VPS13B: variants seen among roughly 807,000 people sequenced by gnomAD.
The protein encoded by VPS13B is vacuolar protein sorting 13 homolog B, also known as intermembrane lipid transfer protein VPS13B.
VPS13B carries 285 observed loss-of-function variants against 426.4 expected under a neutral mutation model. The observed-to-expected ratio is 0.67, with a 90% CI of 0.61 to 0.74. VPS13B has a LOEUF of 0.74. Among genes scored for constraint, VPS13B ranks in the 30% least tolerant of loss-of-function variants. The pLI, the probability that VPS13B is intolerant of heterozygous loss-of-function variation, is 0.00. For synonymous variants in VPS13B, 1,676 were observed against 1,676.4 expected, an observed-to-expected ratio of 1.00 and a Z score of 0.01; for missense variants, 4,537 against 4,782.6, an observed-to-expected ratio of 0.95 and a Z score of 1.51.
At chr8:99,581,217 G>A (rs899472831) in intron 33 of VPS13B, among the ~76,000 whole-genome samples, 5 of 151,890 alleles carry the variant, frequency 3.3e-5, no homozygotes, top group Admixed American at 3.3e-4. Context: ...GGGGGATTAT[G>A]TATTAGTGGA....
chr8:99,698,457 C>G (rs965874686), intron 35 of VPS13B, among the ~76,000 whole-genome samples: 2 of 152,210 alleles, frequency 1.3e-5, no homozygotes, highest in Non-Finnish European at 1.5e-5. Context: ...CTGAAGATGC[C>G]TCTGTTCATC....
chr8:99,553,841 A>C (rs1738307213), intron 30 of VPS13B, among the ~76,000 whole-genome samples: 1 of 152,090 alleles, frequency 6.6e-6, no homozygotes, highest in Admixed American at 6.6e-5. Flanking sequence ...GTTTAATTTT[A>C]AAAGCAAGCA....
intron 51 of VPS13B, among the ~76,000 whole-genome samples, chr8:99,827,225 T>C (rs750494732): frequency 2.6e-5 from 4 of 152,232 alleles, no homozygotes; most frequent in Non-Finnish European, 4.4e-5. Context: ...GGTAGGCTAT[T>C]AATTACTGTC....
intron 44 of VPS13B, among the ~76,000 whole-genome samples, chr8:99,814,830 T>C (rs1444936175): frequency 6.6e-6 from 1 of 152,124 alleles, no homozygotes; most frequent in Non-Finnish European, 1.5e-5. Context: ...TCTGACACAT[T>C]TATGTTATAA....
At chr8:99,561,303 A>G (rs933615297) in intron 31 of VPS13B, among the ~76,000 whole-genome samples, 3 of 152,206 alleles carry the variant, frequency 2.0e-5, no homozygotes, top group Non-Finnish European at 4.4e-5. Flanking sequence ...AAATAGAATC[A>G]TATGATATGT....
intron 35 of VPS13B, among the ~76,000 whole-genome samples, chr8:99,664,476 C>A (rs1588602341): frequency 6.6e-6 from 1 of 151,906 alleles, no homozygotes; most frequent in Non-Finnish European, 1.5e-5. Flanking sequence ...CTGACCCCCA[C>A]CCCACAACAG....
intron 31 of VPS13B, among the ~76,000 whole-genome samples, chr8:99,568,838 G>T (rs1297165045): frequency 6.7e-6 from 1 of 149,310 alleles, no homozygotes; most frequent in Non-Finnish European, 1.5e-5. Context: ...TTGAGATGGA[G>T]TCTTGCTCTA....
intron 21 of VPS13B, among the ~76,000 whole-genome samples, chr8:99,399,001 A>T (rs1167560261): frequency 6.6e-6 from 1 of 152,096 alleles, no homozygotes; most frequent in East Asian, 1.9e-4. Flanking sequence ...TTTTCTTTAC[A>T]AATGTCATTT....
intron 31 of VPS13B, among the ~76,000 whole-genome samples, chr8:99,566,341 C>T (rs892236552): frequency 3.9e-5 from 6 of 152,166 alleles, no homozygotes; most frequent in Non-Finnish European, 7.3e-5. Flanking sequence ...ACTTTACAGT[C>T]ATCTTACAGC....
intron 19 of VPS13B, among the ~76,000 whole-genome samples, chr8:99,352,186 T>TTAAAACTTC (rs1811928812): frequency 6.6e-6 from 1 of 152,214 alleles, no homozygotes; most frequent in Non-Finnish European, 1.5e-5. Context: ...CCTTCATAAT[T>TTAAAACTTC]TAAAACTTCT....
chr8:99,430,237 T>C (rs1563726259), intron 21 of VPS13B, among the ~76,000 whole-genome samples: 1 of 152,172 alleles, frequency 6.6e-6, no homozygotes, highest in South Asian at 2.1e-4. Flanking sequence ...TCAATGCTCA[T>C]ATATTAACCA....
At chr8:99,594,608 A>T (rs1364341342) in intron 33 of VPS13B, among the ~76,000 whole-genome samples, 1 of 151,986 alleles carries the variant, frequency 6.6e-6, no homozygotes, top group African/African-American at 2.4e-5. Context: ...TAAAAGAATG[A>T]TGTAATATTA....
At chr8:99,824,331 G>C (rs1166979633) in intron 51 of VPS13B, among the ~76,000 whole-genome samples, 2 of 152,200 alleles carry the variant, frequency 1.3e-5, no homozygotes, top group Non-Finnish European at 2.9e-5. Flanking sequence ...AAGCACATCT[G>C]TCTCACAGGC....
chr8:99,148,110 G>C (rs79506327), intron 14 of VPS13B, 100 bp downstream of exon 14: 2 of 1,303,808 alleles, frequency 1.5e-6, no homozygotes, highest in Admixed American at 3.6e-5. Context: ...GGGCACAGTG[G>C]CTTGAGTGTG....
In VPS13B at chr8:99,481,473, A is replaced by G. The variant is rs1388906931; in HGVS notation, c.3667-126A>G. 4 of 1,038,674 alleles carry G rather than the reference A, an allele frequency of 3.9e-6. No homozygotes were observed. In the African/African-American group the frequency reaches 6.3e-5, roughly 16 times the overall value. The allele number at this position is 1,038,674 out of a possible 1,614,324, so 64.3% of individuals were successfully genotyped here. ...TGTAAGTTAAAGTGATCAGTGATGC[A>G]TTGGTAGAGTTTGTTTTATAAATTT... On this transcript the variant is annotated intron_variant, in intron 24 of 61. Coordinates refer to ENST00000357162, the MANE Select transcript of VPS13B (RefSeq NM_152564.5).
chr8:99,575,242 C>G (rs538236596), intron 31 of VPS13B, among the ~76,000 whole-genome samples: 1 of 151,748 alleles, frequency 6.6e-6, no homozygotes, highest in South Asian at 2.1e-4. Flanking sequence ...TGCTTATGAC[C>G]CTAATGAGGT....
At chr8:99,872,134 A>G (rs1222218512) in intron 61 of VPS13B, among the ~76,000 whole-genome samples, 2 of 152,270 alleles carry the variant, frequency 1.3e-5, no homozygotes, top group East Asian at 1.9e-4. Flanking sequence ...CTGAAAGCCT[A>G]AAGTCAGGTC....
intron 19 of VPS13B, among the ~76,000 whole-genome samples, chr8:99,285,698 G>A (rs1366000392): frequency 6.6e-6 from 1 of 152,070 alleles, no homozygotes; most frequent in Non-Finnish European, 1.5e-5. Flanking sequence ...TGCAGATTTT[G>A]AAGTTGGCTG....
rs140022003 is a variant in VPS13B at position 99,515,768 on chromosome 8, G to A, written c.4633+4256G>A. On this transcript the variant is annotated intron_variant, in intron 29 of 61. Coordinates refer to ENST00000357162, the MANE Select transcript of VPS13B (RefSeq NM_152564.5). Reference sequence around the variant, plus strand: ...ATTCCATACCTTTAAAATAGTAAGCGATGTCTAATTGCCTTCCTAAATGGC... The same window carrying A: ...ATTCCATACCTTTAAAATAGTAAGCAATGTCTAATTGCCTTCCTAAATGGC... 6.9e-3 allele frequency among the ~76,000 whole-genome samples: 1,056 copies of A among 152,044 alleles called. 20 individuals carry two copies. The highest frequency in any genetic ancestry group is 9.0e-3 in the Non-Finnish European group (609 of 67,976).
Sources: allele counts gnomAD v4.1 joint callset (sites outside exome capture counted in the v4.1 genomes callset), GRCh38; gene constraint gnomAD v4.1.1; transcripts MANE v1.5; gene names NCBI Gene and HGNC (gene_info 2026-07-23, HGNC 2026-07-21).